ALS2: variants seen among roughly 807,000 people sequenced by gnomAD.
The protein encoded by ALS2 is alsin Rho guanine nucleotide exchange factor ALS2, also known as alsin.
A neutral mutation model predicts 203.4 loss-of-function variants in ALS2; 117 were observed. The observed-to-expected ratio is 0.58, with a 90% CI of 0.50 to 0.67. The LOEUF is 0.67. ALS2 is among the 30% of genes least tolerant of loss of function. The probability of loss-of-function intolerance (pLI) is 0.00; values close to 1 mark genes in which losing one functional copy is unlikely to be tolerated. For missense variants in ALS2, 1,715 were observed against 1,989.4 expected (o/e 0.86, Z 2.62); for synonymous variants, 718 against 725.9 (o/e 0.99, Z 0.17).
At chr2:201,743,771 A>G (rs1692448753) in intron 10 of ALS2, among the ~76,000 whole-genome samples, 1 of 152,180 alleles carries the variant, frequency 6.6e-6, no homozygotes, top group South Asian at 2.1e-4. Context: ...CACCAAGCCC[A>G]GTCGGATAAG....
intron 20 of ALS2, 58 bp downstream of exon 20, chr2:201,725,298 C>G: frequency 1.4e-6 from 2 of 1,434,470 alleles, no homozygotes; most frequent in Non-Finnish European, 2.0e-6. Context: ...TGCAAACATT[C>G]AGGTTTACAT....
intron 25 of ALS2, among the ~76,000 whole-genome samples, chr2:201,713,112 C>T (rs1690134095): frequency 6.9e-6 from 1 of 145,182 alleles, no homozygotes; most frequent in Admixed American, 7.0e-5. Flanking sequence ...TTCCATCCCT[C>T]ATTCTTTCTC....
chr2:201,724,914 C>T (rs1340907875), intron 20 of ALS2, among the ~76,000 whole-genome samples: 1 of 151,988 alleles, frequency 6.6e-6, no homozygotes, highest in Non-Finnish European at 1.5e-5. Context: ...GAGATCGAGA[C>T]CATCCTGGCT....
intron 16 of ALS2, 116 bp downstream of exon 16, chr2:201,727,589 T>A (rs1242769061): frequency 1.1e-6 from 1 of 919,494 alleles, no homozygotes; most frequent in African/African-American, 1.6e-5. Context: ...GTGGGCCTCA[T>A]TATACAGAAT....
In ALS2 at chr2:201,729,093, A is replaced by G; in HGVS notation, c.2671T>C (p.Tyr891His). The G allele has an allele frequency of 1.2e-6, 2 of 1,614,062 alleles. No homozygotes were observed. Among genetic ancestry groups the G allele is most frequent in the Non-Finnish European group, 1.7e-6 (2 of 1,179,998 alleles). ...HLGRKRKEAE[Y>H]TLGFWKTFPG... ...AAGGTCTTCCAGAAGCCCAGTGTGT[A>G]TTCTGCTTCCTTCCTTTTCCTGCCG... is the stretch of plus-strand genomic sequence containing the variant. The change falls in exon 14 of 34, where the codon TAC becomes CAC. Residue 891 changes from tyrosine to histidine, a missense_variant. Physicochemically the swap from Tyr to His is moderately conservative, Grantham distance 83 (BLOSUM62 2). Around this residue, in one of 3 missense-constraint regions of ALS2, gnomAD observed 1,227 missense variants for 1,413.5 expected, o/e 0.87. Transcript: ENST00000264276.
At chr2:201,739,338 A>G (rs1260155999) in intron 11 of ALS2, among the ~76,000 whole-genome samples, 6 of 152,128 alleles carry the variant, frequency 3.9e-5, no homozygotes, top group Non-Finnish European at 8.8e-5. Context: ...TCTACCAAGC[A>G]ATATCTATTA....
At position 201,733,297 on chromosome 2, in the gene ALS2, C is replaced by G. The variant is rs542602881; in HGVS notation, c.2559G>C (p.Lys853Asn). 6.2e-7 allele frequency: 1 copy of G among 1,613,794 alleles called. No homozygotes were observed. Residue 853 changes from lysine to asparagine, a missense_variant, in exon 13 of 34, where the codon AAG becomes AAC. Around this residue, in one of 3 missense-constraint regions of ALS2, gnomAD observed 1,227 missense variants for 1,413.5 expected, o/e 0.87. Coordinates refer to ENST00000264276, the MANE Select transcript of ALS2 (RefSeq NM_020919.4). ...RLHNYAKVLL[K>N]LATCFEVASP... The stretch of plus-strand genomic sequence containing the variant: ...TTACCACTTCAAAACAAGTAGCAAG[C>G]TTTAGCAAAACTTTTGCGTAATTAT...
At chr2:201,754,858 A>G (rs1693286738) in intron 5 of ALS2, among the ~76,000 whole-genome samples, 187 bp from the exon 6 acceptor site, 1 of 152,224 alleles carries the variant, frequency 6.6e-6, no homozygotes, top group African/African-American at 2.4e-5. Context: ...TCACTGCTAC[A>G]ATCTATCCTC....
chr2:201,754,730 T>A, intron 5 of ALS2, 59 bp from the exon 6 acceptor site: 1 of 1,571,286 alleles, frequency 6.4e-7, no homozygotes. Context: ...AGAAAACATA[T>A]CATTTGGACA....
At chr2:201,758,165 C>CTTTCAGGGGATAAA (rs1033673393) in intron 4 of ALS2, among the ~76,000 whole-genome samples, 15 of 152,122 alleles carry the variant, frequency 9.9e-5, no homozygotes, top group Non-Finnish European at 1.3e-4. Context: ...TTATTGATCC[C>CTTTCAGGGGATAAA]TTTCAGGAAA....
intron 23 of ALS2, 38 bp downstream of exon 23, chr2:201,723,005 T>A (rs748751447): frequency 6.8e-7 from 1 of 1,477,986 alleles, no homozygotes. Flanking sequence ...AGTAAAAGAA[T>A]TTATTAGGGA....
intron 11 of ALS2, among the ~76,000 whole-genome samples, chr2:201,740,534 A>G (rs1295620011): frequency 1.0e-5 from 1 of 99,316 alleles, no homozygotes; most frequent in Non-Finnish European, 2.8e-5. Context: ...CTGGAATCAC[A>G]GAAACAACAA....
At chr2:201,713,951 A>G (rs1196181854) in intron 25 of ALS2, among the ~76,000 whole-genome samples, 2 of 152,220 alleles carry the variant, frequency 1.3e-5, no homozygotes, top group African/African-American at 4.8e-5. Context: ...TGACATTCAT[A>G]AAACAGTAAA....
rs1030072039 is a variant in ALS2, at chr2:201,701,787, A to G, written c.*64T>C. The G allele has an allele frequency of 6.7e-7, 1 of 1,486,064 alleles. No homozygotes were observed. Among genetic ancestry groups the G allele is most frequent in the Non-Finnish European group, 9.4e-7 (1 of 1,064,244 alleles). 92.1% of individuals were successfully genotyped at this position (1,486,064 alleles called of 1,614,324 possible). A position where few individuals can be genotyped will look rare whatever the true frequency, so the allele number is the denominator to read the frequency against. On this transcript the variant is annotated 3_prime_UTR_variant, in exon 34 of 34. Coordinates refer to ENST00000264276, the MANE Select transcript of ALS2 (RefSeq NM_020919.4). ...CACTGTTCTTTTTTGCCACTACAGG[A>G]AGACTCCAGATGGTGTTATAACACT...
intron 1 of ALS2, among the ~76,000 whole-genome samples, chr2:201,772,850 A>ATTTTTTTTTTTTTTTTTTT (rs578253808): frequency 9.2e-6 from 1 of 108,846 alleles, no homozygotes; most frequent in Admixed American, 1.1e-4. Flanking sequence ...TGCTTTCATG[A>ATTTTTTTTTTTTTTTTTTT]TTTTTTTTTT....
intron 8 of ALS2, among the ~76,000 whole-genome samples, chr2:201,747,613 G>A (rs2106059287): frequency 6.6e-6 from 1 of 152,084 alleles, no homozygotes; most frequent in African/African-American, 2.4e-5. Flanking sequence ...ACCACGCCCG[G>A]CTAATTTTTG....
intron 26 of ALS2, 67 bp downstream of exon 26, chr2:201,710,924 T>C: frequency 1.0e-6 from 1 of 989,864 alleles, no homozygotes; most frequent in Non-Finnish European, 1.6e-6. Context: ...TGAGTCTATC[T>C]GAATGATATA....
intron 31 of ALS2, among the ~76,000 whole-genome samples, chr2:201,704,851 C>G (rs773081263): frequency 6.6e-6 from 1 of 152,114 alleles, no homozygotes; most frequent in Non-Finnish European, 1.5e-5. Context: ...AATATATGCT[C>G]TTTTCTGAAT....
At chr2:201,775,382 T>C in intron 1 of ALS2, among the ~76,000 whole-genome samples, 1 of 152,232 alleles carries the variant, frequency 6.6e-6, no homozygotes, top group South Asian at 2.1e-4. Context: ...TTACATATTA[T>C]TACAATGTAG....
Sources: gnomAD v4.1 joint callset for allele counts (sites outside exome capture counted in the v4.1 genomes callset) on GRCh38, gnomAD v4.1.1 for gene constraint, gnomAD v4.1.1 regional missense constraint, MANE v1.5 for transcripts, NCBI Gene and HGNC (gene_info 2026-07-23, HGNC 2026-07-21) for gene names.